Variants in CTNNA3 observed in about 807,000 individuals in gnomAD.
The protein encoded by CTNNA3 is catenin alpha-3.
Under a neutral mutation model 95.7 loss-of-function variants are expected in CTNNA3, and 76 were observed. The ratio of observed to expected loss-of-function variants is 0.79; its 90% CI spans 0.66 to 0.96. CTNNA3 has a LOEUF of 0.96. CTNNA3 is among the 40% of genes least tolerant of loss of function. The pLI is 0.00. For missense variants in CTNNA3, 1,191 were observed against 1,089.8 expected (o/e 1.09, Z -1.31); for synonymous variants, 431 against 374.4 (o/e 1.15, Z -1.74).
At chr10:67,476,773 A>C (rs1427705788) in intron 5 of CTNNA3, among the ~76,000 whole-genome samples, 1 of 151,162 alleles carries the variant, frequency 6.6e-6, no homozygotes, top group Non-Finnish European at 1.5e-5. Context: ...TATGTACTCC[A>C]TACCCCTGCA....
At chr10:66,868,482 G>A (rs1374479721) in intron 7 of CTNNA3, among the ~76,000 whole-genome samples, 2 of 152,054 alleles carry the variant, frequency 1.3e-5, no homozygotes, top group East Asian at 3.9e-4. Context: ...GCCAGGCACA[G>A]TTGGTCACGC....
chr10:65,967,747 A>G (rs1328220489), intron 16 of CTNNA3, among the ~76,000 whole-genome samples: 4 of 152,194 alleles, frequency 2.6e-5, no homozygotes, highest in African/African-American at 9.6e-5. Context: ...AGCTTTGGTT[A>G]AGATTTAATC....
rs949959453 is a variant in CTNNA3, at chr10:66,103,844, A to C, written c.1885-595T>G. 2.0e-5 allele frequency among the ~76,000 whole-genome samples: 3 copies of C among 152,250 alleles called. No individual in the cohort carries two copies. In the South Asian group the frequency reaches 6.2e-4, roughly 32 times the overall value. ...CTTCTGAATATACTAAAAAACACTG[A>C]GTTTCATACTTCAAAATGGTGAGTT... On this transcript the variant is annotated intron_variant, in intron 13 of 17. Coordinates refer to ENST00000433211, the MANE Select transcript of CTNNA3 (RefSeq NM_013266.4).
intron 7 of CTNNA3, among the ~76,000 whole-genome samples, chr10:66,867,495 G>A (rs12764120): frequency 0.15 from 22,229 of 152,162 alleles, 2,120 homozygotes; most frequent in African/African-American, 0.27. Flanking sequence ...AGGATAAACT[G>A]AGGCTCTATT....
chr10:67,199,383 T>A (rs1211544597), intron 6 of CTNNA3, among the ~76,000 whole-genome samples: 1 of 151,928 alleles, frequency 6.6e-6, no homozygotes, highest in Non-Finnish European at 1.5e-5. Flanking sequence ...TTGTTGTTGT[T>A]TTTCCAGATG....
At chr10:67,468,848 T>G (rs1847702787) in intron 5 of CTNNA3, among the ~76,000 whole-genome samples, 1 of 152,176 alleles carries the variant, frequency 6.6e-6, no homozygotes, top group Non-Finnish European at 1.5e-5. Flanking sequence ...TTTTTTATTG[T>G]GAATACCCCC....
intron 7 of CTNNA3, among the ~76,000 whole-genome samples, chr10:67,153,916 A>G (rs1428889178): frequency 2.0e-5 from 3 of 152,274 alleles, no homozygotes; most frequent in East Asian, 3.9e-4. Context: ...ATGTAAAAGT[A>G]TTCAAGGAAC....
intron 9 of CTNNA3, among the ~76,000 whole-genome samples, chr10:66,694,081 A>C (rs1461051906): frequency 6.6e-6 from 1 of 152,140 alleles, no homozygotes; most frequent in Non-Finnish European, 1.5e-5. Context: ...CACATTCAAA[A>C]GCTAGCAGAA....
intron 9 of CTNNA3, among the ~76,000 whole-genome samples, chr10:66,738,873 T>C (rs1371338171): frequency 6.6e-6 from 1 of 152,200 alleles, no homozygotes; most frequent in Admixed American, 6.5e-5. Flanking sequence ...ACTACTGGTA[T>C]TTTACAGTTC....
In CTNNA3 at chr10:66,926,952, A is replaced by C. The variant is rs770877473; in HGVS notation, c.1048-151428T>G. 6.9e-6 allele frequency: 11 copies of C among 1,605,518 alleles called. No homozygotes were observed. The African/African-American group carries it at 1.5e-4, about 22-fold the overall frequency. On this transcript the variant is annotated intron_variant, in intron 7 of 17. Transcript: ENST00000433211. ...ATGTAATTAGGCTACTGAGCGGATC[A>C]GCTGTAGCACTGGTTATAGCCCCCA...
chr10:66,510,465 CT>C (rs1840614985), intron 11 of CTNNA3, among the ~76,000 whole-genome samples: 1 of 151,834 alleles, frequency 6.6e-6, no homozygotes, highest in African/African-American at 2.4e-5. Flanking sequence ...GCATCCTTGT[CT>C]TCTTCCAGTT....
At chr10:66,767,959 T>C (rs1388445622) in intron 8 of CTNNA3, among the ~76,000 whole-genome samples, 1 of 152,164 alleles carries the variant, frequency 6.6e-6, no homozygotes, top group Admixed American at 6.5e-5. Flanking sequence ...TGAGCACTTA[T>C]TAGGACAAAG....
intron 11 of CTNNA3, among the ~76,000 whole-genome samples, chr10:66,505,776 A>G (rs1260941847): frequency 6.6e-6 from 1 of 152,176 alleles, no homozygotes; most frequent in Non-Finnish European, 1.5e-5. Context: ...ATTAAGGATT[A>G]TTTAGCACTA....
intron 7 of CTNNA3, among the ~76,000 whole-genome samples, chr10:66,872,259 G>C (rs2132443160): frequency 6.6e-6 from 1 of 152,294 alleles, no homozygotes; most frequent in Middle Eastern, 3.4e-3. Flanking sequence ...TTTTATGTAT[G>C]AGGAAGCAAG....
At chr10:67,265,497 G>T (rs985833915) in intron 5 of CTNNA3, among the ~76,000 whole-genome samples, 2 of 152,096 alleles carry the variant, frequency 1.3e-5, no homozygotes, top group African/African-American at 4.8e-5. Flanking sequence ...GGGGAATAAA[G>T]ATAAGAGAGT....
chr10:66,602,352 T>C (rs1023993336), intron 10 of CTNNA3, among the ~76,000 whole-genome samples: 2 of 151,984 alleles, frequency 1.3e-5, no homozygotes, highest in African/African-American at 4.8e-5. Flanking sequence ...CTGAATTACA[T>C]AAAAGTATCT....
intron 9 of CTNNA3, among the ~76,000 whole-genome samples, chr10:66,675,848 T>C (rs1337964023): frequency 1.3e-5 from 2 of 152,086 alleles, no homozygotes; most frequent in Non-Finnish European, 2.9e-5. Context: ...TCCCTGTGGC[T>C]ATGACAGAAT....
At chr10:66,899,725 C>T (rs558493575) in intron 7 of CTNNA3, among the ~76,000 whole-genome samples, 5 of 152,264 alleles carry the variant, frequency 3.3e-5, no homozygotes, top group South Asian at 2.1e-4. Context: ...GCAGGTACCA[C>T]GCCCATAGAG....
chr10:66,165,964 C>T (rs2085106024), intron 13 of CTNNA3, among the ~76,000 whole-genome samples: 1 of 151,968 alleles, frequency 6.6e-6, no homozygotes, highest in South Asian at 2.1e-4. Context: ...GATGGGGTTT[C>T]ACCATCTTAG....
Sources: gnomAD v4.1 joint callset for allele counts (sites outside exome capture counted in the v4.1 genomes callset) on GRCh38, gnomAD v4.1.1 for gene constraint, MANE v1.5 for transcripts, NCBI Gene and HGNC (gene_info 2026-07-23, HGNC 2026-07-21) for gene names.